Variants in PRKCE observed in about 807,000 individuals in gnomAD.
PRKCE encodes protein kinase C epsilon.
A neutral mutation model predicts 85.4 loss-of-function variants in PRKCE; 16 were observed. That is an observed-to-expected ratio of 0.19 (90% CI 0.13 to 0.28). The LOEUF (loss-of-function observed/expected upper bound fraction) is 0.28. Ranked by LOEUF, PRKCE falls within the 10% of genes least tolerant of loss-of-function variation. The pLI is 1.00. For synonymous variants in PRKCE, 388 were observed against 371.5 expected (o/e 1.04, Z -0.51); for missense variants, 573 against 975.2 (o/e 0.59, Z 5.49).
rs540488142 is a variant in PRKCE at position 46,120,326 on chromosome 2, G to A, written c.1593-24767G>A. Reference sequence around the variant, plus strand: ...ACATTTTTGGTTGCTGAAACTTGGGGATGGGGGCCAGGAGAGTGCTGCTGG... The same window carrying A: ...ACATTTTTGGTTGCTGAAACTTGGGAATGGGGGCCAGGAGAGTGCTGCTGG... On this transcript the variant is annotated intron_variant, in intron 11 of 14. Coordinates refer to ENST00000306156, the MANE Select transcript of PRKCE (RefSeq NM_005400.3). Among the ~76,000 whole-genome samples the A allele has an allele frequency of 2.0e-5, 3 of 152,300 alleles. No individual in the cohort carries two copies. In the East Asian group the frequency reaches 5.8e-4, roughly 29 times the overall value.
rs77879529 is a variant in PRKCE at position 45,934,847 on chromosome 2, A to G, written c.413-41582A>G. Among the ~76,000 whole-genome samples, 427 of 149,702 alleles carry G rather than the reference A, an allele frequency of 2.9e-3. 14 individuals are homozygous for G. In the East Asian group the frequency reaches 0.075, roughly 26 times the overall value. On this transcript the variant is annotated intron_variant, in intron 2 of 14. Transcript: ENST00000306156. ...GGCAGTAGGATTGCTTGAGCCCAGG[A>G]GTCAAGACCAGCGTGGGCAACATGG... is the stretch of plus-strand genomic sequence containing the variant.
At chr2:46,147,844 A>G (rs1468153062) in intron 12 of PRKCE, among the ~76,000 whole-genome samples, 1 of 152,196 alleles carries the variant, frequency 6.6e-6, no homozygotes, top group Non-Finnish European at 1.5e-5. Flanking sequence ...TTTGACCACA[A>G]ATGTACACAT....
intron 1 of PRKCE, chr2:45,677,952 T>G: frequency 1.1e-6 from 1 of 910,852 alleles, no homozygotes; most frequent in Non-Finnish European, 1.3e-6. Flanking sequence ...TGCCCTTTTG[T>G]CTGCCACTGT....
chr2:45,720,476 T>C (rs1240261304), intron 1 of PRKCE, among the ~76,000 whole-genome samples: 1 of 152,130 alleles, frequency 6.6e-6, no homozygotes, highest in Non-Finnish European at 1.5e-5. Flanking sequence ...ATAAAGTTCA[T>C]GTCTGAGATG....
rs976854554 is a variant in PRKCE, at chr2:46,003,895, C to CT, written c.967-637dup. 1.5e-3 allele frequency: 228 copies of CT among 151,272 alleles called. 1 individual carries two copies. The highest frequency in any genetic ancestry group is 3.5e-3 in the African/African-American group (142 of 40,958). 9.4% of individuals were successfully genotyped at this position (151,272 alleles called of 1,614,324 possible). On this transcript the variant is annotated intron_variant, in intron 7 of 14. Coordinates refer to ENST00000306156, the MANE Select transcript of PRKCE (RefSeq NM_005400.3). Reference sequence around the variant, plus strand: ...TAACACTGGGTATTAGGAACACTCTCTTTTTTTTTTATTTTAGCAGTTTTT... The same window carrying CT: ...TAACACTGGGTATTAGGAACACTCTCTTTTTTTTTTTATTTTAGCAGTTTTT...
intron 1 of PRKCE, among the ~76,000 whole-genome samples, chr2:45,830,005 G>A (rs561629475): frequency 6.7e-5 from 10 of 149,432 alleles, no homozygotes; most frequent in South Asian, 4.2e-4. Context: ...CCTGGGAGGC[G>A]GAGCTTGCAG....
At chr2:45,900,650 T>G (rs1187024453) in intron 2 of PRKCE, among the ~76,000 whole-genome samples, 1 of 151,772 alleles carries the variant, frequency 6.6e-6, no homozygotes, top group Non-Finnish European at 1.5e-5. Context: ...ATGGTAGAGA[T>G]TTTCAGTTTG....
chr2:46,158,138 T>C (rs992726093), intron 13 of PRKCE, among the ~76,000 whole-genome samples: 2 of 152,138 alleles, frequency 1.3e-5, no homozygotes, highest in African/African-American at 4.8e-5. Flanking sequence ...ATCATAGAGC[T>C]CACCAAGGGG....
At chr2:45,663,165 C>T (rs938884603) in intron 1 of PRKCE, among the ~76,000 whole-genome samples, 7 of 152,160 alleles carry the variant, frequency 4.6e-5, no homozygotes, top group African/African-American at 1.2e-4. Flanking sequence ...GAGTTGTACA[C>T]GTCTGTTTAA....
intron 11 of PRKCE, among the ~76,000 whole-genome samples, chr2:46,128,459 C>T (rs1193727000): frequency 6.6e-6 from 1 of 152,172 alleles, no homozygotes; most frequent in South Asian, 2.1e-4. Context: ...GTACTGTTAT[C>T]CCCATTTTAT....
intron 2 of PRKCE, among the ~76,000 whole-genome samples, chr2:45,922,663 A>G (rs1377781171): frequency 1.3e-5 from 2 of 152,216 alleles, no homozygotes; most frequent in African/African-American, 4.8e-5. Context: ...CGTCAGCTCA[A>G]GCTGCACTTA....
intron 1 of PRKCE, among the ~76,000 whole-genome samples, chr2:45,778,286 A>G (rs1685915134): frequency 6.6e-6 from 1 of 152,092 alleles, no homozygotes; most frequent in African/African-American, 2.4e-5. Flanking sequence ...TGCTTTGGGA[A>G]GTTGGAATCC....
At chr2:45,925,667 A>T (rs147713133) in intron 2 of PRKCE, among the ~76,000 whole-genome samples, 1 of 152,374 alleles carries the variant, frequency 6.6e-6, no homozygotes, top group East Asian at 1.9e-4. Context: ...CATCCATCCG[A>T]GTAGTGAACC....
chr2:46,124,311 C>T (rs986280679), intron 11 of PRKCE, among the ~76,000 whole-genome samples: 14 of 152,056 alleles, frequency 9.2e-5, no homozygotes, highest in South Asian at 2.1e-4. Context: ...GGCAACAGAG[C>T]GAGACTGCAT....
chr2:46,088,875 C>G (rs1036529353), intron 11 of PRKCE, among the ~76,000 whole-genome samples: 31 of 152,306 alleles, frequency 2.0e-4, no homozygotes, highest in African/African-American at 7.2e-4. Flanking sequence ...TGGTAAATGA[C>G]AGACATAGGA....
intron 2 of PRKCE, among the ~76,000 whole-genome samples, chr2:45,928,354 G>C (rs1220873613): frequency 6.6e-6 from 1 of 152,192 alleles, no homozygotes; most frequent in East Asian, 1.9e-4. Flanking sequence ...TGCAACCTCC[G>C]CCTCGCGGGT....
intron 11 of PRKCE, among the ~76,000 whole-genome samples, chr2:46,144,021 C>T (rs145193122): frequency 7.3e-4 from 111 of 152,316 alleles, no homozygotes; most frequent in African/African-American, 2.5e-3. Flanking sequence ...CCCAGCATGG[C>T]TGTTGCGGGG....
chr2:45,914,666 T>A (rs986159770), intron 2 of PRKCE, among the ~76,000 whole-genome samples: 1 of 152,234 alleles, frequency 6.6e-6, no homozygotes, highest in African/African-American at 2.4e-5. Context: ...TCTACACATG[T>A]TAAAGTCAAT....
chr2:45,757,981 G>A (rs1249768540), intron 1 of PRKCE, among the ~76,000 whole-genome samples: 1 of 152,172 alleles, frequency 6.6e-6, no homozygotes. Context: ...CAATGACTGG[G>A]GACAATGTTA....
Sources: allele counts gnomAD v4.1 joint callset (sites outside exome capture counted in the v4.1 genomes callset), GRCh38; gene constraint gnomAD v4.1.1; transcripts MANE v1.5; gene names NCBI Gene and HGNC (gene_info 2026-07-23, HGNC 2026-07-21).